Variants in SPAG16 observed in about 807,000 individuals in gnomAD.
SPAG16 encodes the protein sperm-associated antigen 16 protein.
SPAG16 carries 86 observed loss-of-function variants against 80.4 expected under a neutral mutation model. That is an observed-to-expected ratio of 1.07 (90% confidence interval 0.90 to 1.28). The LOEUF (loss-of-function observed/expected upper bound fraction) is 1.28. Ranked by LOEUF, SPAG16 falls within the 50% of genes most tolerant of loss-of-function variation. SPAG16 has a pLI of 0.00. For synonymous variants in SPAG16, 294 were observed against 265.9 expected (o/e 1.11, Z -1.03); for missense variants, 870 against 765.3 (o/e 1.14, Z -1.61).
At chr2:213,518,698 C>T (rs1260892414) in intron 10 of SPAG16, among the ~76,000 whole-genome samples, 4 of 152,202 alleles carry the variant, frequency 2.6e-5, no homozygotes, top group African/African-American at 4.8e-5. Context: ...GAACTTAAAA[C>T]GAGCTATCAT....
In SPAG16 at chr2:213,929,995, C is replaced by T. The variant is rs772395121; in HGVS notation, c.1250C>T (p.Thr417Ile). The T allele has an allele frequency of 1.9e-6, 3 of 1,613,296 alleles. No homozygotes were observed. Among genetic ancestry groups the T allele is most frequent in the South Asian group, 1.1e-5 (1 of 90,910 alleles). ...TTGGCTACTTCAAGTGGTGACACTA[C>T]AGTTAAATTATGGGATCTATGTAAA... is the stretch of plus-strand genomic sequence containing the variant. ...DKLATSSGDT[T>I]VKLWDLCKGD... Residue 417 changes from threonine (T) to isoleucine (I), a missense_variant, in exon 12 of 16, where the codon ACA becomes ATA. Coordinates refer to ENST00000331683, the MANE Select transcript of SPAG16 (RefSeq NM_024532.5).
intron 15 of SPAG16, 78 bp from the exon 16 acceptor site, chr2:214,410,062 T>G (rs548885091): frequency 6.6e-7 from 1 of 1,512,506 alleles, no homozygotes; most frequent in Admixed American, 1.7e-5. Flanking sequence ...AATAGAATGC[T>G]TCATTGCTTA....
At chr2:213,374,854 C>G (rs2066807198) in intron 8 of SPAG16, among the ~76,000 whole-genome samples, 156 bp from the exon 9 acceptor site, 1 of 152,002 alleles carries the variant, frequency 6.6e-6, no homozygotes, top group Non-Finnish European at 1.5e-5. Flanking sequence ...TTTGAGACCA[C>G]ACATAAAGCA....
intron 11 of SPAG16, among the ~76,000 whole-genome samples, chr2:213,903,155 A>G (rs2077288389): frequency 6.6e-6 from 1 of 152,074 alleles, no homozygotes; most frequent in Admixed American, 6.5e-5. Context: ...CAGTGGATCT[A>G]CCATGCTGGG....
intron 10 of SPAG16, among the ~76,000 whole-genome samples, chr2:213,710,579 ATTACTC>A (rs2065940577): frequency 1.3e-5 from 2 of 152,292 alleles, no homozygotes; most frequent in South Asian, 4.1e-4. Flanking sequence ...ACTCTGAAAA[ATTACTC>A]TTACAATTAG....
At chr2:213,646,298 T>TG (rs1225325977) in intron 10 of SPAG16, among the ~76,000 whole-genome samples, 2 of 152,044 alleles carry the variant, frequency 1.3e-5, no homozygotes, top group African/African-American at 4.8e-5. Context: ...GGGGCGGGGT[T>TG]GGGGGATGAT....
At chr2:213,818,854 G>A (rs2072745095) in intron 10 of SPAG16, among the ~76,000 whole-genome samples, 1 of 152,110 alleles carries the variant, frequency 6.6e-6, no homozygotes, top group Admixed American at 6.6e-5. Context: ...GCCACCATGT[G>A]AAGAAGGTGC....
intron 10 of SPAG16, among the ~76,000 whole-genome samples, chr2:213,524,018 G>A (rs1444557417): frequency 6.6e-6 from 1 of 152,208 alleles, no homozygotes; most frequent in Non-Finnish European, 1.5e-5. Context: ...GCATGTCAGA[G>A]ACTTTCTTAG....
chr2:213,619,888 G>A (rs528664522), intron 10 of SPAG16, among the ~76,000 whole-genome samples: 5 of 152,274 alleles, frequency 3.3e-5, no homozygotes, highest in African/African-American at 1.2e-4. Flanking sequence ...ACTATTCACA[G>A]TAGCCAAGAT....
At chr2:214,254,720 T>G (rs1415040818) in intron 15 of SPAG16, among the ~76,000 whole-genome samples, 7 of 152,076 alleles carry the variant, frequency 4.6e-5, no homozygotes, top group Non-Finnish European at 1.0e-4. Flanking sequence ...TAGGTGTTAC[T>G]ATTTTAAACA....
Position 213,963,091 on chromosome 2 carries a change from C to G in SPAG16, c.1400+32946C>G, listed in dbSNP as rs1358661193. On this transcript the variant is annotated intron_variant, in intron 12 of 15. Transcript: ENST00000331683. ...TTTTGCTTTCTGAATGCTTAGTTTGCTCTTTTTTTTTTTTTTTAATGTCTA... is the reference window on the plus strand; with the variant it reads ...TTTTGCTTTCTGAATGCTTAGTTTGGTCTTTTTTTTTTTTTTTAATGTCTA... Among the ~76,000 whole-genome samples, 4 of 62,802 alleles carry G rather than the reference C, an allele frequency of 6.4e-5. No homozygotes were observed. In the East Asian group the frequency reaches 9.3e-4, roughly 15 times the overall value. 41.2% of individuals were successfully genotyped at this position (62,802 alleles called of 152,430 possible).
intron 15 of SPAG16, among the ~76,000 whole-genome samples, chr2:214,353,282 A>C (rs545861171): frequency 6.6e-6 from 1 of 151,248 alleles, no homozygotes; most frequent in South Asian, 2.1e-4. Flanking sequence ...AATATATATA[A>C]AATTACTGAG....
At chr2:214,353,537 G>T (rs1025036021) in intron 15 of SPAG16, among the ~76,000 whole-genome samples, 3 of 152,102 alleles carry the variant, frequency 2.0e-5, no homozygotes, top group Admixed American at 2.0e-4. Flanking sequence ...TACTTCTAGA[G>T]GGAGTTTAAC....
chr2:214,283,287 G>T (rs535659477), intron 15 of SPAG16, among the ~76,000 whole-genome samples: 1 of 152,074 alleles, frequency 6.6e-6, no homozygotes, highest in Admixed American at 6.5e-5. Context: ...AAAGACTTTG[G>T]TCTCTTCTTG....
intron 10 of SPAG16, among the ~76,000 whole-genome samples, chr2:213,515,019 T>G (rs2075369856): frequency 6.6e-6 from 1 of 152,156 alleles, no homozygotes; most frequent in African/African-American, 2.4e-5. Context: ...CATATTCAAA[T>G]TTTATCACCT....
intron 10 of SPAG16, among the ~76,000 whole-genome samples, chr2:213,504,265 T>C (rs1380865848): frequency 6.6e-6 from 1 of 152,026 alleles, no homozygotes; most frequent in Admixed American, 6.6e-5. Context: ...AGGGAAGGAA[T>C]GAAGAAGTGA....
chr2:213,693,502 A>G, intron 10 of SPAG16, among the ~76,000 whole-genome samples: 1 of 152,244 alleles, frequency 6.6e-6, no homozygotes, highest in East Asian at 1.9e-4. Flanking sequence ...AAAAGAAAAC[A>G]AAACAATAAT....
chr2:214,214,519 C>A (rs1420625468), intron 15 of SPAG16, among the ~76,000 whole-genome samples: 1 of 152,108 alleles, frequency 6.6e-6, no homozygotes, highest in African/African-American at 2.4e-5. Context: ...CTGGCATTCT[C>A]TATTCCAGGC....
Position 214,307,352 on chromosome 2 carries a change from T to C in SPAG16, c.1721-102788T>C, listed in dbSNP as rs549463827. On this transcript the variant is annotated intron_variant, in intron 15 of 15. Coordinates refer to ENST00000331683, the MANE Select transcript of SPAG16 (RefSeq NM_024532.5). Reference sequence around the variant, plus strand: ...TTCCAAAAAAACAGCTCCTGGTTCATTGATCTTTTGAATGGTTTTTCATAT... The same window carrying C: ...TTCCAAAAAAACAGCTCCTGGTTCACTGATCTTTTGAATGGTTTTTCATAT... Among the ~76,000 whole-genome samples, 19 of 152,276 alleles carry C rather than the reference T, an allele frequency of 1.2e-4. No individual in the cohort carries two copies. The East Asian group carries it at 3.3e-3, about 26-fold the overall frequency.
Sources: allele counts gnomAD v4.1 joint callset (sites outside exome capture counted in the v4.1 genomes callset), GRCh38; gene constraint gnomAD v4.1.1; transcripts MANE v1.5; gene names NCBI Gene and HGNC (gene_info 2026-07-23, HGNC 2026-07-21).